HACD1: variants seen among roughly 807,000 people sequenced by gnomAD.
HACD1 encodes the protein very-long-chain (3R)-3-hydroxyacyl-CoA dehydratase 1.
Under a neutral mutation model 32.0 loss-of-function variants are expected in HACD1, and 41 were observed. That is an observed-to-expected ratio of 1.28 (90% CI 1.00 to 1.66). HACD1 has a LOEUF of 1.66. Among genes scored for constraint, HACD1 ranks in the 40% most tolerant of loss-of-function variants. The pLI, the probability that HACD1 is intolerant of heterozygous loss-of-function variation, is 0.00. For missense variants in HACD1, 396 were observed against 380.1 expected (o/e 1.04, Z -0.35); for synonymous variants, 142 against 139.0 (o/e 1.02, Z -0.15).
chr10:17,594,730 G>A (rs1311885767), intron 5 of HACD1, among the ~76,000 whole-genome samples: 5 of 152,124 alleles, frequency 3.3e-5, no homozygotes, highest in African/African-American at 9.6e-5. Flanking sequence ...GGAGTGCAGC[G>A]GCACAGTCTT....
chr10:17,598,683 T>A (rs1290900765), intron 5 of HACD1, among the ~76,000 whole-genome samples: 4 of 152,220 alleles, frequency 2.6e-5, no homozygotes, highest in Non-Finnish European at 5.9e-5. Context: ...TTTGCTTTTA[T>A]AATAACTTTC....
chr10:17,613,913 G>C (rs1588996082), intron 1 of HACD1, among the ~76,000 whole-genome samples: 1 of 78,484 alleles, frequency 1.3e-5, no homozygotes, highest in African/African-American at 6.0e-5. Context: ...GAGTGAGTCA[G>C]AGATATCAAA....
Position 17,617,300 on chromosome 10 carries a change from A to C in HACD1, c.40T>G (p.Ser14Ala), listed in dbSNP as rs2131528377. The change falls in exon 1 of 7, where the codon TCT (serine) becomes GCT (alanine). Residue 14 changes from serine to alanine, a missense_variant. Coordinates refer to ENST00000361271, the MANE Select transcript of HACD1 (RefSeq NM_014241.4). ...GACCCTGCCCAGCCTGCAGCCCGAGAGCCGCTGCCCGCTGCCGCCGCTTCC... is the reference window on the plus strand; with the variant it reads ...GACCCTGCCCAGCCTGCAGCCCGAGCGCCGCTGCCCGCTGCCGCCGCTTCC... ...LTEAAAAGSG[S>A]RAAGWAGSPP... The C allele has an allele frequency of 6.9e-7, 1 of 1,449,444 alleles. No homozygotes were observed. The highest frequency in any genetic ancestry group is 9.0e-7 in the Non-Finnish European group (1 of 1,107,256). The allele number at this position is 1,449,444 out of a possible 1,614,324, so 89.8% of individuals were successfully genotyped here.
intron 1 of HACD1, among the ~76,000 whole-genome samples, chr10:17,612,782 C>T (rs1833004237): frequency 1.3e-5 from 2 of 151,782 alleles, no homozygotes; most frequent in South Asian, 2.1e-4. Context: ...ATTAGCCGGG[C>T]GTGGTGGCGG....
At chr10:17,593,629 A>G (rs1350567781) in intron 6 of HACD1, among the ~76,000 whole-genome samples, 1 of 152,222 alleles carries the variant, frequency 6.6e-6, no homozygotes, top group Non-Finnish European at 1.5e-5. Flanking sequence ...TATTAGCAGC[A>G]CTGAAATGGA....
chr10:17,609,161 T>TTG (rs1834192334), intron 1 of HACD1, among the ~76,000 whole-genome samples: 1 of 150,552 alleles, frequency 6.6e-6, no homozygotes, highest in Admixed American at 6.6e-5. Flanking sequence ...AAAGGTTTTT[T>TTG]TTTTTTTTTT....
chr10:17,615,179 A>G (rs117590570), intron 1 of HACD1, among the ~76,000 whole-genome samples: 1,682 of 152,364 alleles, frequency 0.011, 15 homozygotes, highest in Middle Eastern at 0.044. Flanking sequence ...TCACTTTCCA[A>G]GAGTATAATT....
chr10:17,616,033 C>A (rs1366234785), intron 1 of HACD1: 1 of 193,906 alleles, frequency 5.2e-6, no homozygotes, highest in East Asian at 1.8e-4. Flanking sequence ...CTTTGGGAGG[C>A]CGAGGCGGGC....
intron 1 of HACD1, among the ~76,000 whole-genome samples, chr10:17,614,003 G>A (rs1833031372): frequency 2.0e-5 from 3 of 152,230 alleles, no homozygotes; most frequent in Admixed American, 2.0e-4. Flanking sequence ...CCTTAGATCA[G>A]GGTGGAGGTG....
intron 6 of HACD1, among the ~76,000 whole-genome samples, chr10:17,593,188 A>T (rs1311210621): frequency 1.3e-5 from 2 of 152,130 alleles, no homozygotes; most frequent in Admixed American, 6.6e-5. Context: ...CAACAAAAAA[A>T]AGTTGGAGAC....
intron 4 of HACD1, among the ~76,000 whole-genome samples, chr10:17,601,270 G>A (rs1003643708): frequency 6.6e-6 from 1 of 152,140 alleles, no homozygotes; most frequent in Non-Finnish European, 1.5e-5. Flanking sequence ...CTGACCTCAA[G>A]TGATCCACCT....
chr10:17,594,343 CA>C lies in HACD1; in HGVS notation c.645del (p.Gly216ValfsTer13). 6.4e-7 allele frequency: 1 copy of C among 1,568,320 alleles called. No homozygotes were observed. Among genetic ancestry groups the C allele is most frequent in the East Asian group, 2.3e-5 (1 of 44,326 alleles). On this transcript the variant is annotated frameshift_variant, in exon 6 of 7. Transcript: ENST00000361271. LOFTEE classifies it high-confidence loss of function. ...GCAGCGTATATTGTAAGAAGTTCAC[CA>C]GCAACTCCAACAGGATATAAGATGA... is the stretch of plus-strand genomic sequence containing the variant. ...FFIILYPVGV[A>X]GELLTIYAAL...
At position 17,608,513 on chromosome 10, in the gene HACD1, T is replaced by C. The variant is rs576887708; in HGVS notation, c.258-4466A>G. ...ACTCCACACTTTGTCTCCTTTTTTT[T>C]TGAAATGGAGTCTTGCTCTGTCACC... On this transcript the variant is annotated intron_variant, in intron 1 of 6. Coordinates refer to ENST00000361271, the MANE Select transcript of HACD1 (RefSeq NM_014241.4). 2.0e-5 allele frequency among the ~76,000 whole-genome samples: 3 copies of C among 152,218 alleles called. No individual in the cohort carries two copies. The South Asian group carries it at 6.2e-4, about 32-fold the overall frequency.
At chr10:17,594,456 T>C (rs1554815847) in intron 5 of HACD1, 73 bp from the exon 6 acceptor site, 1 of 1,166,616 alleles carries the variant, frequency 8.6e-7, no homozygotes, top group East Asian at 2.7e-5. Context: ...GGTCTATTGC[T>C]ACTACTAAAT....
chr10:17,610,696 T>C (rs1834221121), intron 1 of HACD1, among the ~76,000 whole-genome samples: 1 of 151,976 alleles, frequency 6.6e-6, no homozygotes. Flanking sequence ...TTTGTAAACA[T>C]CCACTGTGCA....
intron 5 of HACD1, among the ~76,000 whole-genome samples, chr10:17,594,638 A>G (rs1344061642): frequency 6.6e-6 from 1 of 152,072 alleles, no homozygotes; most frequent in Non-Finnish European, 1.5e-5. Context: ...TAGAGTACCA[A>G]AATACTTTTA....
intron 5 of HACD1, 28 bp from the exon 6 acceptor site, chr10:17,594,411 A>C: frequency 7.1e-7 from 1 of 1,418,330 alleles, no homozygotes. Context: ...TCAGAGAATT[A>C]TTTTTCTACA....
chr10:17,613,095 GGGGTGTGT>G (rs1472209930), intron 1 of HACD1, among the ~76,000 whole-genome samples: 75 of 119,872 alleles, frequency 6.3e-4, no homozygotes, highest in African/African-American at 2.3e-3. Context: ...TTTGCAATTT[GGGGTGTGT>G]GTGTGTGTGT....
At chr10:17,593,628 CACTGAAATGGAGTAAAGCCTT>C (rs1232363228) in intron 6 of HACD1, among the ~76,000 whole-genome samples, 4 of 152,182 alleles carry the variant, frequency 2.6e-5, no homozygotes, top group Non-Finnish European at 4.4e-5. Flanking sequence ...CTATTAGCAG[CACTGAAATGGAGTAAAGCCTT>C]ACCAATTCAC....
Sources: allele counts gnomAD v4.1 joint callset (sites outside exome capture counted in the v4.1 genomes callset), GRCh38; gene constraint gnomAD v4.1.1; transcripts MANE v1.5; gene names NCBI Gene and HGNC (gene_info 2026-07-23, HGNC 2026-07-21).